Variants in GREM2 observed in about 807,000 individuals in gnomAD.
GREM2 encodes gremlin-2.
In GREM2, 11 loss-of-function variants were observed where a neutral mutation model predicts 14.2. That is an observed-to-expected ratio of 0.78 (90% CI 0.49 to 1.28). The LOEUF (loss-of-function observed/expected upper bound fraction) is 1.28, where lower values mean the gene tolerates loss of function less well. Among genes scored for constraint, GREM2 ranks in the 50% most tolerant of loss-of-function variants. GREM2 has a pLI of 0.00. For missense variants in GREM2, 210 were observed against 218.5 expected (o/e 0.96, Z 0.24); for synonymous variants, 98 against 97.6 (o/e 1.00, Z -0.02).
chr1:240,563,099 ATGTG>A (rs1293654582), intron 1 of GREM2, among the ~76,000 whole-genome samples: 2 of 138,630 alleles, frequency 1.4e-5, no homozygotes, highest in African/African-American at 2.8e-5. Context: ...GTATGCGTGT[ATGTG>A]TGTATGTGTG....
At chr1:240,516,764 T>G (rs538110399) in intron 1 of GREM2, among the ~76,000 whole-genome samples, 1 of 152,180 alleles carries the variant, frequency 6.6e-6, no homozygotes, top group Non-Finnish European at 1.5e-5. Context: ...TAGAAAATTG[T>G]AAGTGCCAGC....
intron 1 of GREM2, among the ~76,000 whole-genome samples, chr1:240,568,388 T>C (rs940798314): frequency 1.3e-5 from 2 of 151,574 alleles, no homozygotes; most frequent in Non-Finnish European, 2.9e-5. Flanking sequence ...AATTTATCAA[T>C]CCAAAGAAGA....
At chr1:240,545,381 C>T (rs1455277105) in intron 1 of GREM2, among the ~76,000 whole-genome samples, 1 of 152,224 alleles carries the variant, frequency 6.6e-6, no homozygotes, top group African/African-American at 2.4e-5. Flanking sequence ...TTGTCCTATA[C>T]GTCTCTTCAT....
Position 240,493,226 on chromosome 1 carries a change from C to G in GREM2, c.250G>C (p.Glu84Gln). ...KTQPLRQTVS[E>Q]EGCRSRTILN... ...ATGGTGCGGCTCCGGCAGCCCTCCTCGCTCACCGTCTGCCGCAGCGGCTGC... is the reference window on the plus strand; with the variant it reads ...ATGGTGCGGCTCCGGCAGCCCTCCTGGCTCACCGTCTGCCGCAGCGGCTGC... The change falls in exon 2 of 2, where the codon GAG (glutamate) becomes CAG (glutamine). Residue 84 changes from glutamate (E) to glutamine (Q), a missense_variant. Physicochemically the swap from Glu to Gln is conservative, Grantham distance 29 (BLOSUM62 2). Coordinates refer to ENST00000318160, the MANE Select transcript of GREM2 (RefSeq NM_022469.4). 1.2e-6 allele frequency: 2 copies of G among 1,614,024 alleles called. No individual in the cohort carries two copies. Among genetic ancestry groups the G allele is most frequent in the South Asian group, 1.1e-5 (1 of 91,086 alleles).
At chr1:240,503,293 C>T (rs1305291195) in intron 1 of GREM2, among the ~76,000 whole-genome samples, 2 of 152,078 alleles carry the variant, frequency 1.3e-5, no homozygotes, top group African/African-American at 4.8e-5. Context: ...TCAACAAGAC[C>T]TCATCTTCTT....
At chr1:240,537,037 T>C (rs887165155) in intron 1 of GREM2, among the ~76,000 whole-genome samples, 2 of 152,210 alleles carry the variant, frequency 1.3e-5, no homozygotes, top group African/African-American at 4.8e-5. Flanking sequence ...GATACATTAG[T>C]GAAAGCACTT....
chr1:240,608,412 C>T (rs777449453), intron 1 of GREM2, among the ~76,000 whole-genome samples: 4 of 152,140 alleles, frequency 2.6e-5, no homozygotes, highest in Non-Finnish European at 4.4e-5. Flanking sequence ...TTTCCCAAAA[C>T]GTAGCTACCA....
chr1:240,562,923 T>G (rs549049019), intron 1 of GREM2, among the ~76,000 whole-genome samples: 1 of 149,420 alleles, frequency 6.7e-6, no homozygotes, highest in Non-Finnish European at 1.5e-5. Flanking sequence ...TGTGAGTGTA[T>G]GTGTATGTGT....
intron 1 of GREM2, among the ~76,000 whole-genome samples, chr1:240,610,888 A>G (rs1680119127): frequency 6.6e-6 from 1 of 152,182 alleles, no homozygotes; most frequent in African/African-American, 2.4e-5. Context: ...AGCAAGACCA[A>G]TTTTTTAACT....
At chr1:240,509,664 G>A (rs1374718916) in intron 1 of GREM2, among the ~76,000 whole-genome samples, 1 of 151,998 alleles carries the variant, frequency 6.6e-6, no homozygotes. Flanking sequence ...CACTGCACCC[G>A]GTGCTCATTT....
chr1:240,554,235 G>A lies in GREM2; in HGVS notation c.-2+57649C>T, dbSNP rs530311831. Among the ~76,000 whole-genome samples the A allele has an allele frequency of 1.6e-3, 241 of 151,556 alleles. 1 individual carries two copies. The highest frequency in any genetic ancestry group is 2.8e-3 in the Non-Finnish European group (188 of 67,806). ...AGACCAGCCTGGCCAACATGGTGAA[G>A]CCCCATCTCTACTAAAAATACAAAA... is the stretch of plus-strand genomic sequence containing the variant. On this transcript the variant is annotated intron_variant, in intron 1 of 1. Transcript: ENST00000318160.
chr1:240,492,820 A>G lies in GREM2; in HGVS notation c.*149T>C, dbSNP rs891019145. Reference sequence around the variant, plus strand: ...CCACTTGCGATCCACGTCTGTGACAAGGACACCGTCAGCCCTAAGAGAAGT... The same window carrying G: ...CCACTTGCGATCCACGTCTGTGACAGGGACACCGTCAGCCCTAAGAGAAGT... On this transcript the variant is annotated 3_prime_UTR_variant, in exon 2 of 2. Transcript: ENST00000318160. 1.8e-5 allele frequency: 14 copies of G among 769,006 alleles called. No individual in the cohort carries two copies. The highest frequency in any genetic ancestry group is 1.5e-4 in the African/African-American group (8 of 54,700). The allele number at this position is 769,006 out of a possible 1,614,324, so 47.6% of individuals were successfully genotyped here. A position where few individuals can be genotyped will look rare whatever the true frequency, so the allele number is the denominator to read the frequency against.
chr1:240,504,241 T>C (rs1283270011), intron 1 of GREM2, among the ~76,000 whole-genome samples: 4 of 152,222 alleles, frequency 2.6e-5, no homozygotes, highest in African/African-American at 9.6e-5. Flanking sequence ...CATCTTCCTT[T>C]TATTTCAAAG....
At chr1:240,544,356 C>T (rs1375272915) in intron 1 of GREM2, among the ~76,000 whole-genome samples, 1 of 152,012 alleles carries the variant, frequency 6.6e-6, no homozygotes, top group South Asian at 2.1e-4. Flanking sequence ...ACCATGTTAG[C>T]CAGGATGGTC....
chr1:240,544,368 C>T (rs567417402), intron 1 of GREM2, among the ~76,000 whole-genome samples: 3 of 152,146 alleles, frequency 2.0e-5, no homozygotes, highest in South Asian at 4.2e-4. Flanking sequence ...AGGATGGTCT[C>T]GATCTCCTGA....
chr1:240,491,993 A>C lies in GREM2; in HGVS notation c.*976T>G, dbSNP rs1677262469. The C allele has an allele frequency of 9.8e-6, 2 of 203,198 alleles. No homozygotes were observed. The highest frequency in any genetic ancestry group is 2.3e-5 in the African/African-American group (1 of 43,620). 12.6% of individuals were successfully genotyped at this position (203,198 alleles called of 1,614,324 possible). On this transcript the variant is annotated 3_prime_UTR_variant, in exon 2 of 2. Transcript: ENST00000318160. ...CCCAATCTAAAAATAGGTGCATGAC[A>C]GTGAATTGCTGACCAGGCATTTTTT...
At chr1:240,592,557 A>T (rs1206059326) in intron 1 of GREM2, among the ~76,000 whole-genome samples, 1 of 152,216 alleles carries the variant, frequency 6.6e-6, no homozygotes, top group Non-Finnish European at 1.5e-5. Context: ...GATGTTTAAC[A>T]CAGAGTCTAC....
chr1:240,510,302 G>A (rs189466424), intron 1 of GREM2, among the ~76,000 whole-genome samples: 153 of 147,392 alleles, frequency 1.0e-3, no homozygotes, highest in Middle Eastern at 3.7e-3. Context: ...CCGGGGAGGC[G>A]GAGCTTGCAC....
chr1:240,588,457 T>C (rs1287355248), intron 1 of GREM2: 2 of 152,220 alleles, frequency 1.3e-5, no homozygotes, highest in Non-Finnish European at 2.9e-5. Context: ...TGCAGAGGTA[T>C]TGGGGACTTC....
Sources: allele counts gnomAD v4.1 joint callset (sites outside exome capture counted in the v4.1 genomes callset), GRCh38; gene constraint gnomAD v4.1.1; transcripts MANE v1.5; gene names NCBI Gene and HGNC (gene_info 2026-07-23, HGNC 2026-07-21).